EXOC4: variants seen among roughly 807,000 people sequenced by gnomAD.
The protein encoded by EXOC4 is exocyst complex component 4.
A neutral mutation model predicts 107.2 loss-of-function variants in EXOC4; 71 were observed. That is an observed-to-expected ratio of 0.66 (90% confidence interval 0.55 to 0.81). The LOEUF (loss-of-function observed/expected upper bound fraction) is 0.81, where lower values mean the gene tolerates loss of function less well. Among genes scored for constraint, EXOC4 ranks in the 30% least tolerant of loss-of-function variants. EXOC4 has a pLI of 0.00. For missense variants in EXOC4, 1,108 were observed against 1,189.6 expected, an observed-to-expected ratio of 0.93 and a Z score of 1.01; for synonymous variants, 456 against 441.2, an observed-to-expected ratio of 1.03 and a Z score of -0.42.
At chr7:133,818,504 G>A (rs548792085) in intron 11 of EXOC4, among the ~76,000 whole-genome samples, 8 of 152,096 alleles carry the variant, frequency 5.3e-5, no homozygotes, top group East Asian at 1.9e-4. Context: ...TTAGAGAAGC[G>A]TCCTAGTTAT....
chr7:133,475,204 A>G, intron 7 of EXOC4, 124 bp from the exon 8 acceptor site: 1 of 728,846 alleles, frequency 1.4e-6, no homozygotes, highest in Non-Finnish European at 2.1e-6. Context: ...AAAATGAATG[A>G]CCAGGTTAAT....
At chr7:133,589,590 C>T (rs1234815532) in intron 9 of EXOC4, among the ~76,000 whole-genome samples, 1 of 152,180 alleles carries the variant, frequency 6.6e-6, no homozygotes, top group Non-Finnish European at 1.5e-5. Flanking sequence ...ACAGTTTTGC[C>T]ATGCAGAGTA....
intron 9 of EXOC4, among the ~76,000 whole-genome samples, chr7:133,594,229 A>T (rs1801612251): frequency 6.6e-6 from 1 of 152,226 alleles, no homozygotes; most frequent in Non-Finnish European, 1.5e-5. Flanking sequence ...TTTGTATATT[A>T]GAGAGACAGT....
At chr7:133,383,893 A>C (rs1311619893) in intron 7 of EXOC4, among the ~76,000 whole-genome samples, 1 of 152,184 alleles carries the variant, frequency 6.6e-6, no homozygotes, top group Non-Finnish European at 1.5e-5. Context: ...GAATCTCCAC[A>C]AAAGTGCTTG....
intron 7 of EXOC4, among the ~76,000 whole-genome samples, chr7:133,411,894 T>G (rs1797363375): frequency 6.6e-6 from 1 of 152,138 alleles, no homozygotes; most frequent in Non-Finnish European, 1.5e-5. Flanking sequence ...ACTCACGCAG[T>G]GTTGTTTATA....
chr7:133,837,008 T>C (rs1469955056), intron 11 of EXOC4, among the ~76,000 whole-genome samples: 1 of 152,156 alleles, frequency 6.6e-6, no homozygotes, highest in Non-Finnish European at 1.5e-5. Context: ...ATCCCACCTT[T>C]TAAAGATTTA....
chr7:133,812,594 CT>C lies in EXOC4; in HGVS notation c.1515-4724del, dbSNP rs558743887. On this transcript the variant is annotated intron_variant, in intron 10 of 17. Coordinates refer to ENST00000253861, the MANE Select transcript of EXOC4 (RefSeq NM_021807.4). ...GTAGGTTGCCCATTTAATGTAACTA[CT>C]TTTTTTCATTTTTCATTTTTATTTA... Among the ~76,000 whole-genome samples the C allele has an allele frequency of 3.3e-5, 5 of 149,346 alleles. No homozygotes were observed. In the South Asian group the frequency reaches 1.1e-3, roughly 32 times the overall value.
At chr7:133,544,132 T>C (rs2150934558) in intron 9 of EXOC4, among the ~76,000 whole-genome samples, 1 of 152,272 alleles carries the variant, frequency 6.6e-6, no homozygotes, top group South Asian at 2.1e-4. Flanking sequence ...AATCAGCATA[T>C]ATTTTCTAAA....
chr7:134,057,375 AC>A (rs1462651058), intron 17 of EXOC4, among the ~76,000 whole-genome samples: 3 of 151,768 alleles, frequency 2.0e-5, no homozygotes, highest in Non-Finnish European at 4.4e-5. Context: ...TAAAAAAAAA[AC>A]AAAAAACTGT....
At chr7:133,896,392 G>A (rs553470235) in intron 12 of EXOC4, among the ~76,000 whole-genome samples, 5 of 152,234 alleles carry the variant, frequency 3.3e-5, no homozygotes, top group African/African-American at 1.2e-4. Context: ...AGAAAAGAAT[G>A]TATAATAAAA....
At chr7:133,933,780 C>T (rs1368484103) in intron 13 of EXOC4, among the ~76,000 whole-genome samples, 2 of 152,176 alleles carry the variant, frequency 1.3e-5, no homozygotes, top group Non-Finnish European at 2.9e-5. Context: ...GCACAAGTAA[C>T]TAATACCCAA....
At chr7:133,912,203 G>A (rs1299378214) in intron 12 of EXOC4, among the ~76,000 whole-genome samples, 1 of 152,218 alleles carries the variant, frequency 6.6e-6, no homozygotes, top group Non-Finnish European at 1.5e-5. Flanking sequence ...TGCAAAAGGA[G>A]GGGTTTTGTT....
chr7:133,714,370 A>T (rs1444839081), intron 10 of EXOC4, among the ~76,000 whole-genome samples: 1 of 152,132 alleles, frequency 6.6e-6, no homozygotes, highest in East Asian at 1.9e-4. Context: ...GAATTTTAGG[A>T]ATCAATTGTG....
chr7:133,852,763 A>G (rs574161462), intron 11 of EXOC4, among the ~76,000 whole-genome samples: 113 of 152,310 alleles, frequency 7.4e-4, no homozygotes, highest in East Asian at 6.6e-3. Context: ...GAGATTGGGG[A>G]ACAAGTAAAA....
At chr7:133,300,872 T>C (rs190789095) in intron 3 of EXOC4, among the ~76,000 whole-genome samples, 59 of 146,260 alleles carry the variant, frequency 4.0e-4, no homozygotes, top group Non-Finnish European at 6.0e-5. Flanking sequence ...AAGTTAATAA[T>C]ATGATAGATA....
chr7:133,484,150 A>G (rs1336188839), intron 9 of EXOC4: 1 of 1,608,478 alleles, frequency 6.2e-7, no homozygotes, highest in Non-Finnish European at 8.5e-7. Flanking sequence ...ACAATTAGAA[A>G]TGTGACTCAG....
At chr7:133,427,165 G>A (rs1563061393) in intron 7 of EXOC4, among the ~76,000 whole-genome samples, 1 of 151,998 alleles carries the variant, frequency 6.6e-6, no homozygotes, top group South Asian at 2.1e-4. Flanking sequence ...TGTATGTCAG[G>A]CGCCTCATAA....
chr7:133,706,917 A>T (rs539898237), intron 10 of EXOC4, among the ~76,000 whole-genome samples: 1 of 152,148 alleles, frequency 6.6e-6, no homozygotes, highest in African/African-American at 2.4e-5. Context: ...CCACATCCTA[A>T]TACTGTCACA....
intron 4 of EXOC4, chr7:133,315,432 G>A (rs941015556): frequency 6.6e-6 from 1 of 152,194 alleles, no homozygotes; most frequent in African/African-American, 2.4e-5. Context: ...CGGAAAGATG[G>A]TGGAAAGAGC....
Sources: gnomAD v4.1 joint callset for allele counts (sites outside exome capture counted in the v4.1 genomes callset) on GRCh38, gnomAD v4.1.1 for gene constraint, MANE v1.5 for transcripts, NCBI Gene and HGNC (gene_info 2026-07-23, HGNC 2026-07-21) for gene names.